AKAP13: variants seen among roughly 807,000 people sequenced by gnomAD.
AKAP13 encodes A-kinase anchor protein 13.
AKAP13 carries 80 observed loss-of-function variants against 264.5 expected under a neutral mutation model. The ratio of observed to expected loss-of-function variants is 0.30; its 90% CI spans 0.25 to 0.36. The LOEUF (loss-of-function observed/expected upper bound fraction) is 0.36. Ranked by LOEUF, AKAP13 falls within the 10% of genes least tolerant of loss-of-function variation. The pLI is 1.00. For missense variants in AKAP13, 3,712 were observed against 3,435.2 expected (o/e 1.08, Z -2.01); for synonymous variants, 1,380 against 1,250.2 (o/e 1.10, Z -2.19).
At chr15:85,638,675 AG>A (rs1033346379) in intron 8 of AKAP13, among the ~76,000 whole-genome samples, 29 of 152,220 alleles carry the variant, frequency 1.9e-4, no homozygotes, top group African/African-American at 6.5e-4. Context: ...TTTGTGGGGA[AG>A]GGGGAAGTAT....
In AKAP13 at chr15:85,655,640, T is replaced by TGGA. The variant is rs573094038; in HGVS notation, c.4609_4611dup (p.Glu1537dup). Reference sequence around the variant, plus strand: ...AGTGAGCCTGCTGACCCAGGCGACGTGGAGGAGGAGGAGATGGACAGTATC... The same window carrying TGGA: ...AGTGAGCCTGCTGACCCAGGCGACGTGGAGGAGGAGGAGGAGATGGACAGTATC... On this transcript the variant is annotated inframe_insertion, in exon 11 of 37. Transcript: ENST00000394518. 45 of 1,614,120 alleles carry TGGA rather than the reference T, an allele frequency of 2.8e-5. No homozygotes were observed. In the African/African-American group the frequency reaches 5.9e-4, roughly 21 times the overall value.
At chr15:85,671,034 A>G (rs2083897156) in intron 14 of AKAP13, 1 of 151,820 alleles carries the variant, frequency 6.6e-6, no homozygotes, top group Non-Finnish European at 1.5e-5. Flanking sequence ...TTAAATTCTC[A>G]TCAGAGAGGG....
intron 1 of AKAP13, among the ~76,000 whole-genome samples, chr15:85,469,758 A>G (rs532486525): frequency 2.0e-5 from 3 of 152,374 alleles, no homozygotes; most frequent in South Asian, 4.1e-4. Context: ...GCAAAGAACT[A>G]GATTAGTCAA....
chr15:85,686,171 G>GTA (rs2084908346), intron 16 of AKAP13, among the ~76,000 whole-genome samples: 3 of 119,136 alleles, frequency 2.5e-5, no homozygotes, highest in African/African-American at 1.0e-4. Context: ...GTGTGTATGT[G>GTA]TGTGTGTGCA....
At chr15:85,562,691 C>CTTTTCTTT in intron 5 of AKAP13, among the ~76,000 whole-genome samples, 1 of 100,514 alleles carries the variant, frequency 9.9e-6, no homozygotes, top group East Asian at 2.6e-4. Flanking sequence ...CTTTTCTTTT[C>CTTTTCTTT]TTTTTTTTTT....
At chr15:85,658,224 G>C (rs1164944637) in intron 11 of AKAP13, among the ~76,000 whole-genome samples, 1 of 152,128 alleles carries the variant, frequency 6.6e-6, no homozygotes, top group African/African-American at 2.4e-5. Flanking sequence ...GAATTTTAAA[G>C]TGTTAAGAAA....
intron 6 of AKAP13, among the ~76,000 whole-genome samples, chr15:85,576,248 C>CA (rs2079009345): frequency 6.6e-6 from 1 of 152,094 alleles, no homozygotes; most frequent in African/African-American, 2.4e-5. Flanking sequence ...AAAGAACCAA[C>CA]AGTTTCTGAG....
intron 29 of AKAP13, among the ~76,000 whole-genome samples, chr15:85,729,392 C>T (rs1373724962): frequency 1.3e-5 from 2 of 151,932 alleles, no homozygotes; most frequent in Non-Finnish European, 2.9e-5. Context: ...AATCAGGTGA[C>T]CTGGAAGATG....
chr15:85,504,854 G>GCTTGCTCTTTCTCGCTCTCTCTCT (rs2151101196), intron 2 of AKAP13, among the ~76,000 whole-genome samples: 1 of 151,866 alleles, frequency 6.6e-6, no homozygotes, highest in East Asian at 1.9e-4. Flanking sequence ...AGACACTCTC[G>GCTTGCTCTTTCTCGCTCTCTCTCT]CTTGCTCTTT....
intron 1 of AKAP13, among the ~76,000 whole-genome samples, chr15:85,452,301 G>T (rs2074120999): frequency 6.6e-6 from 1 of 150,862 alleles, no homozygotes. Context: ...TCCTTGGGTT[G>T]GGTTTTGTCA....
chr15:85,439,675 A>C (rs1260855756), intron 1 of AKAP13, among the ~76,000 whole-genome samples: 7 of 145,710 alleles, frequency 4.8e-5, no homozygotes, highest in South Asian at 4.6e-4. Context: ...TTGTAGGGAC[A>C]TGGATGAAAT....
At position 85,743,708 on chromosome 15, in the gene AKAP13, G is replaced by A; in HGVS notation, c.8275G>A (p.Gly2759Arg). 1 of 1,614,180 alleles carries A rather than the reference G, an allele frequency of 6.2e-7. No homozygotes were observed. Among genetic ancestry groups the A allele is most frequent in the Non-Finnish European group, 8.5e-7 (1 of 1,180,046 alleles). Residue 2759 changes from glycine (G) to arginine (R), a missense_variant, in exon 36 of 37, where the codon GGG becomes AGG. Gly to Arg is a moderately radical substitution (Grantham distance 125, BLOSUM62 -2). This residue lies in a region of AKAP13 where 611 missense variants were observed against 539.3 expected (regional missense o/e 1.13). Coordinates refer to ENST00000394518, the MANE Select transcript of AKAP13 (RefSeq NM_007200.5). ...STSQTNKGPE[G>R]QSQAPASTSA... ...CAGCCAGACAAACAAAGGACCAGAA[G>A]GGCAGAGCCAGGCCCCTGCGTCCAC...
At chr15:85,647,555 A>C (rs2082612407) in intron 10 of AKAP13, among the ~76,000 whole-genome samples, 1 of 151,772 alleles carries the variant, frequency 6.6e-6, no homozygotes. Context: ...TTGTCTTCCC[A>C]AGGTCTTTGG....
In AKAP13 at chr15:85,452,606, C is replaced by T. The variant is rs201863635; in HGVS notation, c.-11-33104C>T. Among the ~76,000 whole-genome samples the T allele has an allele frequency of 1.8e-4, 27 of 152,176 alleles. No homozygotes were observed. In the East Asian group the frequency reaches 5.0e-3, roughly 28 times the overall value. On this transcript the variant is annotated intron_variant, in intron 1 of 36. Transcript: ENST00000394518. ...TAGGGTGTTTATTTGAAGCTGACTT[C>T]TTGTTTCTGGTTTCAGAGGGGAGGG...
At chr15:85,450,468 ATCTT>A (rs2074048472) in intron 1 of AKAP13, among the ~76,000 whole-genome samples, 1 of 151,590 alleles carries the variant, frequency 6.6e-6, no homozygotes, top group Non-Finnish European at 1.5e-5. Context: ...TTAATTTGAG[ATCTT>A]TCTTTTTCGT....
At chr15:85,684,257 A>G (rs2084772509) in intron 15 of AKAP13, among the ~76,000 whole-genome samples, 1 of 152,164 alleles carries the variant, frequency 6.6e-6, no homozygotes, top group African/African-American at 2.4e-5. Context: ...GTCACTGAAA[A>G]TCCATAATTA....
intron 2 of AKAP13, among the ~76,000 whole-genome samples, chr15:85,492,780 C>T (rs967281806): frequency 8.5e-5 from 13 of 152,234 alleles, no homozygotes; most frequent in Middle Eastern, 3.4e-3. Flanking sequence ...TATTTTGTAG[C>T]ATGTTTTGTC....
intron 8 of AKAP13, among the ~76,000 whole-genome samples, chr15:85,609,226 T>G (rs2080488581): frequency 6.6e-6 from 1 of 152,224 alleles, no homozygotes; most frequent in Admixed American, 6.5e-5. Flanking sequence ...TTTGTTCCTC[T>G]TATGACTCTT....
chr15:85,740,298 GCGT>G (rs1468796406), intron 34 of AKAP13, 26 bp downstream of exon 34: 2 of 1,612,888 alleles, frequency 1.2e-6, no homozygotes, highest in African/African-American at 2.7e-5. Context: ...TTCCATCCCT[GCGT>G]TTATTTGTCT....
Sources: gnomAD v4.1 joint callset for allele counts (sites outside exome capture counted in the v4.1 genomes callset) on GRCh38, gnomAD v4.1.1 for gene constraint, gnomAD v4.1.1 regional missense constraint, MANE v1.5 for transcripts, NCBI Gene and HGNC (gene_info 2026-07-23, HGNC 2026-07-21) for gene names.